The following ARHGAP44 variants were observed in gnomAD, a reference collection of about 807,000 sequenced individuals.
The protein encoded by ARHGAP44 is Rho GTPase activating protein 44.
ARHGAP44 carries 43 observed loss-of-function variants against 106.8 expected under a neutral mutation model. The ratio of observed to expected loss-of-function variants is 0.40; its 90% CI spans 0.32 to 0.52. The LOEUF (loss-of-function observed/expected upper bound fraction) is 0.52, where lower values mean the gene tolerates loss of function less well. Ranked by LOEUF, ARHGAP44 falls within the 20% of genes least tolerant of loss-of-function variation. The pLI is 0.48. For synonymous variants in ARHGAP44, 439 were observed against 410.3 expected, an observed-to-expected ratio of 1.07 and a Z score of -0.85; for missense variants, 866 against 1,050.5, an observed-to-expected ratio of 0.82 and a Z score of 2.43.
intron 8 of ARHGAP44, among the ~76,000 whole-genome samples, chr17:12,943,187 A>G (rs2038753021): frequency 6.6e-6 from 1 of 152,220 alleles, no homozygotes; most frequent in Non-Finnish European, 1.5e-5. Flanking sequence ...GATTACAGGC[A>G]TGAGCCATCA....
rs2037046727 is a variant in ARHGAP44, at chr17:12,891,591, C to A, written c.54-3349C>A. 3.3e-5 allele frequency among the ~76,000 whole-genome samples: 5 copies of A among 152,188 alleles called. No individual in the cohort carries two copies. The South Asian group carries it at 1.0e-3, about 31-fold the overall frequency. ...ATACCTCCTCTTAGGCTTCACCTTT[C>A]AGCACTGCTGCATTGGAGATCAAGT... is the stretch of plus-strand genomic sequence containing the variant. On this transcript the variant is annotated intron_variant, in intron 1 of 20. Coordinates refer to ENST00000379672, the MANE Select transcript of ARHGAP44 (RefSeq NM_014859.6).
At chr17:12,819,057 A>T (rs956783390) in intron 1 of ARHGAP44, among the ~76,000 whole-genome samples, 1 of 152,174 alleles carries the variant, frequency 6.6e-6, no homozygotes, top group South Asian at 2.1e-4. Context: ...TGTGGTATTG[A>T]TAAAGACATG....
chr17:12,863,397 A>G (rs1227143873), intron 1 of ARHGAP44, among the ~76,000 whole-genome samples: 1 of 152,200 alleles, frequency 6.6e-6, no homozygotes, highest in Non-Finnish European at 1.5e-5. Flanking sequence ...TGTGTAAAAA[A>G]TCTAATGTCA....
At chr17:12,979,247 CCT>C (rs1196515945) in intron 18 of ARHGAP44, among the ~76,000 whole-genome samples, 1 of 152,118 alleles carries the variant, frequency 6.6e-6, no homozygotes, top group African/African-American at 2.4e-5. Flanking sequence ...ATGACAAATC[CCT>C]GGTTTGTGGT....
At chr17:12,923,840 C>T (rs1420453033) in intron 6 of ARHGAP44, among the ~76,000 whole-genome samples, 1 of 152,164 alleles carries the variant, frequency 6.6e-6, no homozygotes. Flanking sequence ...ATGAGGTCTG[C>T]ATCCCAAGAT....
At chr17:12,989,098 C>A (rs2040034712) in intron 20 of ARHGAP44, among the ~76,000 whole-genome samples, 2 of 50,880 alleles carry the variant, frequency 3.9e-5, no homozygotes, top group Non-Finnish European at 9.7e-5. Flanking sequence ...ACTCCACCCC[C>A]CCCAAAAAAA....
chr17:12,938,785 T>C (rs2038625507), intron 7 of ARHGAP44, among the ~76,000 whole-genome samples: 1 of 152,228 alleles, frequency 6.6e-6, no homozygotes, highest in Non-Finnish European at 1.5e-5. Flanking sequence ...GAGAATTTGA[T>C]TTATAGTTTC....
intron 1 of ARHGAP44, among the ~76,000 whole-genome samples, chr17:12,811,966 G>A (rs976551371): frequency 6.6e-6 from 1 of 152,116 alleles, no homozygotes; most frequent in Non-Finnish European, 1.5e-5. Context: ...GTTTCCAACT[G>A]TATTCACATT....
chr17:12,840,675 C>T (rs2035364403), intron 1 of ARHGAP44, among the ~76,000 whole-genome samples: 2 of 152,214 alleles, frequency 1.3e-5, no homozygotes, highest in South Asian at 2.1e-4. Flanking sequence ...GCTTAGGGCT[C>T]CCACTCATCA....
chr17:12,793,803 C>G (rs1279140474), intron 1 of ARHGAP44, among the ~76,000 whole-genome samples: 1 of 152,110 alleles, frequency 6.6e-6, no homozygotes, highest in Non-Finnish European at 1.5e-5. Flanking sequence ...CATTTACTTT[C>G]CCCACTAGAC....
At chr17:12,897,459 G>T (rs2037244802) in intron 3 of ARHGAP44, among the ~76,000 whole-genome samples, 1 of 146,118 alleles carries the variant, frequency 6.8e-6, no homozygotes. Flanking sequence ...TCCAAGCCCT[G>T]GTTTCTTCTT....
intron 1 of ARHGAP44, among the ~76,000 whole-genome samples, chr17:12,876,331 A>T (rs932114041): frequency 1.3e-5 from 2 of 151,110 alleles, no homozygotes; most frequent in Non-Finnish European, 2.9e-5. Context: ...CTCTTCCCTC[A>T]CTCCCTCTGC....
intron 1 of ARHGAP44, among the ~76,000 whole-genome samples, chr17:12,799,676 C>T (rs1356960601): frequency 6.6e-6 from 1 of 152,192 alleles, no homozygotes; most frequent in African/African-American, 2.4e-5. Flanking sequence ...CTCTGCCCCG[C>T]CCTACCCTCC....
At chr17:12,892,130 C>G (rs942172438) in intron 1 of ARHGAP44, among the ~76,000 whole-genome samples, 16 of 152,154 alleles carry the variant, frequency 1.1e-4, no homozygotes, top group Admixed American at 2.6e-4. Flanking sequence ...CAATAAGAAG[C>G]CTGCTGATGA....
intron 1 of ARHGAP44, among the ~76,000 whole-genome samples, chr17:12,894,262 A>G (rs1168033006): frequency 6.9e-6 from 1 of 145,524 alleles, no homozygotes; most frequent in African/African-American, 2.7e-5. Flanking sequence ...GTGTGTGTGC[A>G]CGTGCGTGCG....
chr17:12,943,744 T>A, intron 9 of ARHGAP44, 75 bp downstream of exon 9: 1 of 1,456,012 alleles, frequency 6.9e-7, no homozygotes, highest in Non-Finnish European at 9.6e-7. Context: ...GAATTCCTTG[T>A]ATGTCGTTGG....
At chr17:12,804,676 C>T (rs2150769882) in intron 1 of ARHGAP44, among the ~76,000 whole-genome samples, 1 of 152,344 alleles carries the variant, frequency 6.6e-6, no homozygotes, top group Non-Finnish European at 1.5e-5. Context: ...GCATTCAACA[C>T]TTTGACCTTT....
chr17:12,829,090 G>A (rs540335809), intron 1 of ARHGAP44, among the ~76,000 whole-genome samples: 11 of 152,048 alleles, frequency 7.2e-5, no homozygotes, highest in Admixed American at 2.0e-4. Context: ...CTATCTTCTG[G>A]AACAATTTGT....
chr17:12,938,082 A>G (rs1598085801), intron 7 of ARHGAP44, among the ~76,000 whole-genome samples: 1 of 72,622 alleles, frequency 1.4e-5, no homozygotes, highest in African/African-American at 4.2e-5. Flanking sequence ...TGGGTGACAG[A>G]AAAAAAAAAA....
Sources: gnomAD v4.1 joint callset for allele counts (sites outside exome capture counted in the v4.1 genomes callset) on GRCh38, gnomAD v4.1.1 for gene constraint, MANE v1.5 for transcripts, NCBI Gene and HGNC (gene_info 2026-07-23, HGNC 2026-07-21) for gene names.